Variants in OCA2 observed in about 807,000 individuals in gnomAD.
OCA2 encodes P protein.
In OCA2, 77 loss-of-function variants were observed where a neutral mutation model predicts 100.2. The ratio of observed to expected loss-of-function variants is 0.77; its 90% CI spans 0.64 to 0.93. The LOEUF is 0.93. OCA2 is among the 40% of genes least tolerant of loss of function. The pLI is 0.00. For synonymous variants in OCA2, 432 were observed against 439.2 expected, an observed-to-expected ratio of 0.98 and a Z score of 0.21; for missense variants, 1,062 against 1,089.1, an observed-to-expected ratio of 0.98 and a Z score of 0.35.
chr15:27,918,089 ATTTT>A (rs34943192), intron 19 of OCA2, among the ~76,000 whole-genome samples: 82 of 103,198 alleles, frequency 7.9e-4, no homozygotes, highest in African/African-American at 2.6e-3. Context: ...CTCCCTCTTG[ATTTT>A]TTTTTTTTTT....
chr15:27,873,285 C>T (rs1311036294), intron 19 of OCA2, among the ~76,000 whole-genome samples: 1 of 152,194 alleles, frequency 6.6e-6, no homozygotes, highest in Non-Finnish European at 1.5e-5. Flanking sequence ...ACCTCACCAA[C>T]ACCAGTGTGA....
intron 23 of OCA2, among the ~76,000 whole-genome samples, chr15:27,821,674 G>A (rs1420921625): frequency 6.6e-6 from 1 of 151,394 alleles, no homozygotes; most frequent in Non-Finnish European, 1.5e-5. Flanking sequence ...ACATGCATAC[G>A]TGTATTCACC....
chr15:27,952,364 G>A (rs1217148192), intron 17 of OCA2, among the ~76,000 whole-genome samples: 1 of 152,206 alleles, frequency 6.6e-6, no homozygotes, highest in East Asian at 1.9e-4. Context: ...TGACACCCGC[G>A]AGAATCCACC....
chr15:28,065,951 G>GT lies in OCA2; in HGVS notation c.227+15696dup, dbSNP rs746804148. 8.6e-5 allele frequency among the ~76,000 whole-genome samples: 13 copies of GT among 151,936 alleles called. No homozygotes were observed. The East Asian group carries it at 1.2e-3, about 14-fold the overall frequency. Reference sequence around the variant, plus strand: ...TAACATATAAAGACAATTAGTTTTTGTATGTTGATTTATAAAACTGTCTTT... The same window carrying GT: ...TAACATATAAAGACAATTAGTTTTTGTTATGTTGATTTATAAAACTGTCTTT... On this transcript the variant is annotated intron_variant, in intron 2 of 23. Coordinates refer to ENST00000354638, the MANE Select transcript of OCA2 (RefSeq NM_000275.3).
rs779086242 is a variant in OCA2 at position 27,957,673 on chromosome 15, C to T, written c.1699G>A (p.Glu567Lys). Residue 567 changes from glutamate to lysine, a missense_variant, in exon 16 of 24, where the codon GAG becomes AAG. Coordinates refer to ENST00000354638, the MANE Select transcript of OCA2 (RefSeq NM_000275.3). The surrounding 1 kb of genome is among the most constrained non-coding windows in gnomAD (Gnocchi z 4.3). The stretch of plus-strand genomic sequence containing the variant: ...AGCAGGCGGCGCACAGCTGTCTCCT[C>T]GCGGCTGGCCGGGCTGATGCGCTGA... ...TAQRISPASREETAVRRLLLG... is the reference protein window; with the variant it reads ...TAQRISPASRKETAVRRLLLG... The T allele has an allele frequency of 6.2e-6, 10 of 1,612,960 alleles. No individual in the cohort carries two copies. The African/African-American group carries it at 9.3e-5, about 15-fold the overall frequency.
chr15:27,841,457 C>G (rs1438099025), intron 23 of OCA2, among the ~76,000 whole-genome samples: 3 of 152,164 alleles, frequency 2.0e-5, no homozygotes, highest in Non-Finnish European at 2.9e-5. Flanking sequence ...GCACAAAGGG[C>G]TCACAGAATC....
At chr15:27,736,517 G>GA in the OCA2 span, among the ~76,000 whole-genome samples, 2 of 152,178 alleles carry the variant, frequency 1.3e-5, no homozygotes, top group Non-Finnish European at 2.9e-5. Flanking sequence ...CTTGGGGCTA[G>GA]AAAAATAAAA....
At chr15:27,966,190 C>G (rs370577416) in intron 15 of OCA2, among the ~76,000 whole-genome samples, 1 of 152,256 alleles carries the variant, frequency 6.6e-6, no homozygotes, top group African/African-American at 2.4e-5. Context: ...AGGCTGGAGT[C>G]GAACTCCTGA....
chr15:27,724,662 T>C, the OCA2 span, among the ~76,000 whole-genome samples: 1 of 152,068 alleles, frequency 6.6e-6, no homozygotes, highest in East Asian at 1.9e-4. Flanking sequence ...TCTAGAAACC[T>C]CCATCAGAGT....
At chr15:27,732,573 T>C in the OCA2 span, among the ~76,000 whole-genome samples, 3 of 151,970 alleles carry the variant, frequency 2.0e-5, no homozygotes, top group Non-Finnish European at 4.4e-5. Flanking sequence ...GTGTGGAGGG[T>C]GGAGAGAGGG....
At chr15:28,079,299 GTT>G (rs58836608) in intron 2 of OCA2, among the ~76,000 whole-genome samples, 34,923 of 145,776 alleles carry the variant, frequency 0.24, 7,755 homozygotes, top group African/African-American at 0.59. Flanking sequence ...TAAGATTACT[GTT>G]TTTTTTTTTT....
intron 7 of OCA2, among the ~76,000 whole-genome samples, chr15:28,017,392 G>C (rs1460201415): frequency 6.6e-6 from 1 of 152,174 alleles, no homozygotes; most frequent in East Asian, 1.9e-4. Flanking sequence ...GCAAGTGCTG[G>C]GGAGGCAGCG....
At chr15:27,936,683 G>T (rs1199775940) in intron 18 of OCA2, among the ~76,000 whole-genome samples, 2 of 152,030 alleles carry the variant, frequency 1.3e-5, no homozygotes, top group African/African-American at 4.8e-5. Flanking sequence ...GTGTGCTGCA[G>T]GACACAGGCT....
intron 15 of OCA2, among the ~76,000 whole-genome samples, chr15:27,965,021 T>C (rs150782547): frequency 1.3e-5 from 2 of 152,338 alleles, no homozygotes; most frequent in East Asian, 3.9e-4. Flanking sequence ...ATTAGACTCT[T>C]CAGGACAGCT....
intron 23 of OCA2, among the ~76,000 whole-genome samples, chr15:27,778,061 C>T (rs2032337469): frequency 6.6e-6 from 1 of 152,138 alleles, no homozygotes; most frequent in Non-Finnish European, 1.5e-5. Context: ...AGGAGGAAAA[C>T]TTTAAGCACA....
At chr15:28,094,032 G>C (rs1487760854) in intron 1 of OCA2, among the ~76,000 whole-genome samples, 1 of 152,114 alleles carries the variant, frequency 6.6e-6, no homozygotes, top group East Asian at 1.9e-4. Flanking sequence ...TCCTCATCCA[G>C]TTCTTCCAAA....
chr15:28,094,367 C>A (rs2044929292), intron 1 of OCA2, among the ~76,000 whole-genome samples: 1 of 152,158 alleles, frequency 6.6e-6, no homozygotes, highest in Non-Finnish European at 1.5e-5. Flanking sequence ...AGAGCTCCCG[C>A]CCGTAGGGAC....
the OCA2 span, among the ~76,000 whole-genome samples, chr15:27,746,590 A>C: frequency 6.6e-6 from 1 of 152,194 alleles, no homozygotes; most frequent in Non-Finnish European, 1.5e-5. Context: ...GAACAACCCT[A>C]GCTGTGAGTC....
chr15:27,864,944 G>C (rs1433935881), intron 21 of OCA2, among the ~76,000 whole-genome samples: 1 of 151,814 alleles, frequency 6.6e-6, no homozygotes, highest in Non-Finnish European at 1.5e-5. Flanking sequence ...GAGGGCAAGA[G>C]GAAGGAAGAA....
Sources: allele counts gnomAD v4.1 joint callset (sites outside exome capture counted in the v4.1 genomes callset), GRCh38; gene constraint gnomAD v4.1.1; non-coding constraint Gnocchi (gnomAD v3.1); transcripts MANE v1.5; gene names NCBI Gene and HGNC (gene_info 2026-07-23, HGNC 2026-07-21).